ULK4: variants seen among roughly 807,000 people sequenced by gnomAD.
ULK4 encodes inactive serine/threonine-protein kinase ULK4.
A neutral mutation model predicts 160.6 loss-of-function variants in ULK4; 133 were observed. The ratio of observed to expected loss-of-function variants is 0.83; its 90% CI spans 0.72 to 0.96. The LOEUF is 0.96. Ranked by LOEUF, ULK4 falls within the 40% of genes least tolerant of loss-of-function variation. The pLI is 0.00. For missense variants in ULK4, 1,580 were observed against 1,499.5 expected, an observed-to-expected ratio of 1.05 and a Z score of -0.89; for synonymous variants, 534 against 539.8, an observed-to-expected ratio of 0.99 and a Z score of 0.15.
chr3:41,955,796 A>G (rs1293292961), intron 1 of ULK4: 27 of 6,924 alleles, frequency 3.9e-3, no homozygotes, highest in Admixed American at 5.0e-3. Context: ...ACCTTCACAG[A>G]AAAAAAAAAA....
chr3:41,377,072 A>G (rs1197615228), intron 35 of ULK4, among the ~76,000 whole-genome samples: 1 of 152,102 alleles, frequency 6.6e-6, no homozygotes, highest in African/African-American at 2.4e-5. Flanking sequence ...ATAACGCCAC[A>G]TATCTACAAC....
intron 31 of ULK4, among the ~76,000 whole-genome samples, chr3:41,593,406 A>ACG (rs140184719): frequency 6.6e-6 from 1 of 151,306 alleles, no homozygotes; most frequent in Non-Finnish European, 1.5e-5. Context: ...ACATGCATGC[A>ACG]CACACACACA....
intron 25 of ULK4, among the ~76,000 whole-genome samples, chr3:41,709,534 G>A (rs765347514): frequency 3.3e-5 from 5 of 152,002 alleles, no homozygotes; most frequent in African/African-American, 9.7e-5. Context: ...CTACAGGCGC[G>A]CGCCACCACG....
intron 34 of ULK4, among the ~76,000 whole-genome samples, chr3:41,408,146 A>T (rs1407859165): frequency 2.0e-5 from 3 of 151,334 alleles, no homozygotes; most frequent in African/African-American, 7.3e-5. Flanking sequence ...AAAAAAAATT[A>T]GGCCAGGCAC....
chr3:41,518,023 C>T (rs1026004035), intron 32 of ULK4, among the ~76,000 whole-genome samples: 3 of 152,028 alleles, frequency 2.0e-5, no homozygotes, highest in East Asian at 1.9e-4. Context: ...CCGTGTCTAA[C>T]GGGAAAGGAA....
chr3:41,767,213 T>C (rs974445466), intron 21 of ULK4, among the ~76,000 whole-genome samples: 2 of 152,222 alleles, frequency 1.3e-5, no homozygotes, highest in African/African-American at 2.4e-5. Context: ...TTGAAGCATG[T>C]TAATTTTCTT....
intron 29 of ULK4, among the ~76,000 whole-genome samples, chr3:41,664,682 C>A (rs1238302067): frequency 4.6e-5 from 7 of 152,166 alleles, no homozygotes; most frequent in African/African-American, 1.7e-4. Context: ...TGCACTCTGA[C>A]AGCCAAGTTC....
intron 5 of ULK4, among the ~76,000 whole-genome samples, chr3:41,924,933 G>A (rs1699323410): frequency 6.6e-6 from 1 of 152,022 alleles, no homozygotes; most frequent in Non-Finnish European, 1.5e-5. Context: ...GAGCTTCAAT[G>A]GCCCAAAGTC....
chr3:41,633,428 T>C (rs1575504522), intron 30 of ULK4, among the ~76,000 whole-genome samples: 1 of 152,184 alleles, frequency 6.6e-6, no homozygotes. Context: ...TATGATATAA[T>C]GGCAGAGTTA....
intron 31 of ULK4, among the ~76,000 whole-genome samples, chr3:41,580,694 A>C (rs959529677): frequency 3.9e-5 from 6 of 152,196 alleles, no homozygotes; most frequent in Non-Finnish European, 8.8e-5. Flanking sequence ...ATCACTGTGC[A>C]TCAGCTGCCT....
At chr3:41,256,891 G>T (rs1383067782) in intron 35 of ULK4, among the ~76,000 whole-genome samples, 1 of 152,174 alleles carries the variant, frequency 6.6e-6, no homozygotes, top group Non-Finnish European at 1.5e-5. Flanking sequence ...GAGGGTCTCT[G>T]TTGCCCAGGC....
chr3:41,840,354 T>G (rs562427161), intron 17 of ULK4, among the ~76,000 whole-genome samples: 3 of 152,210 alleles, frequency 2.0e-5, no homozygotes, highest in African/African-American at 7.2e-5. Flanking sequence ...GCTCTCCTTC[T>G]CCCTCTCCCT....
intron 35 of ULK4, among the ~76,000 whole-genome samples, chr3:41,316,062 C>T (rs552749600): frequency 6.6e-6 from 1 of 152,218 alleles, no homozygotes; most frequent in African/African-American, 2.4e-5. Context: ...AAAATGAAAA[C>T]ATATGTGCAC....
At chr3:41,276,097 AAT>A (rs2079224333) in intron 35 of ULK4, among the ~76,000 whole-genome samples, 1 of 152,228 alleles carries the variant, frequency 6.6e-6, no homozygotes, top group Non-Finnish European at 1.5e-5. Context: ...TGAGCTAGAG[AAT>A]ATGTGTCTGT....
At chr3:41,523,222 T>C (rs2085996260) in intron 32 of ULK4, among the ~76,000 whole-genome samples, 2 of 152,222 alleles carry the variant, frequency 1.3e-5, no homozygotes, top group African/African-American at 2.4e-5. Flanking sequence ...GACCAAGTTT[T>C]ATTCATTTTG....
chr3:41,384,588 T>C (rs1287350347), intron 35 of ULK4, among the ~76,000 whole-genome samples: 9 of 152,126 alleles, frequency 5.9e-5, no homozygotes, highest in Admixed American at 2.0e-4. Context: ...AGTCTGTCTA[T>C]ATAAATTTTT....
chr3:41,749,706 A>T (rs1213349104), intron 22 of ULK4, among the ~76,000 whole-genome samples: 1 of 152,208 alleles, frequency 6.6e-6, no homozygotes. Flanking sequence ...GAGTTTGAAG[A>T]CATAATTAAA....
intron 25 of ULK4, among the ~76,000 whole-genome samples, chr3:41,710,982 G>A (rs2037076130): frequency 6.6e-6 from 1 of 152,146 alleles, no homozygotes; most frequent in East Asian, 1.9e-4. Context: ...AAAATCAGGG[G>A]TGGTGGGCCG....
chr3:41,635,533 T>C (rs1019530197), intron 30 of ULK4, among the ~76,000 whole-genome samples: 3 of 152,118 alleles, frequency 2.0e-5, no homozygotes, highest in African/African-American at 4.8e-5. Context: ...AACAAATCAA[T>C]GAATTTTGAT....
Sources: allele counts gnomAD v4.1 joint callset (sites outside exome capture counted in the v4.1 genomes callset), GRCh38; gene constraint gnomAD v4.1.1; transcripts MANE v1.5; gene names NCBI Gene and HGNC (gene_info 2026-07-23, HGNC 2026-07-21).